OR9I1: variants seen among roughly 807,000 people sequenced by gnomAD.
OR9I1 encodes the protein olfactory receptor 9I1.
A neutral mutation model predicts 11.2 loss-of-function variants in OR9I1; 7 were observed. That is an observed-to-expected ratio of 0.62 (90% CI 0.36 to 1.17). The LOEUF (loss-of-function observed/expected upper bound fraction) is 1.17, where lower values mean the gene tolerates loss of function less well. Among genes scored for constraint, OR9I1 ranks in the 50% most tolerant of loss-of-function variants. The pLI is 0.02. For synonymous variants in OR9I1, 165 were observed against 153.4 expected (o/e 1.08, Z -0.56); for missense variants, 428 against 377.2 (o/e 1.13, Z -1.12).
rs147846129 is a variant in OR9I1 at position 58,119,152 on chromosome 11, G to T, written c.293C>A (p.Ala98Asp). 1.2e-6 allele frequency: 2 copies of T among 1,614,030 alleles called. No individual in the cohort carries two copies. Among genetic ancestry groups the T allele is most frequent in the South Asian group, 2.2e-5 (2 of 91,070 alleles). Residue 98 changes from alanine to aspartate, a missense_variant, in exon 3 of 3, where the codon GCT becomes GAT. By Grantham distance (126) the Ala-to-Asp change is moderately radical. Transcript: ENST00000641439. ...GATGGTGAATAAAAAGAACTGGGCA[G>T]CACAGTGGCCGTAGGAGATGACCGT... ...GKTVISYGHC[A>D]AQFFLFTICA...
rs1392304846 is a variant in OR9I1, at chr11:58,124,951, G to A, written c.-224-312C>T. Reference sequence around the variant, plus strand: ...TATTATTTTGTCCTGGAAGAGACTAGGACTCGGAATAGTTAAGTACCTTGT... The same window carrying A: ...TATTATTTTGTCCTGGAAGAGACTAAGACTCGGAATAGTTAAGTACCTTGT... On this transcript the variant is annotated intron_variant, in intron 1 of 2. Coordinates refer to ENST00000641439, the MANE Select transcript of OR9I1 (RefSeq NM_001005211.2). Among the ~76,000 whole-genome samples the A allele has an allele frequency of 3.3e-5, 5 of 152,054 alleles. No individual in the cohort carries two copies. In the East Asian group the frequency reaches 9.6e-4, roughly 29 times the overall value.
At chr11:58,122,283 C>G (rs550995198) in intron 2 of OR9I1, among the ~76,000 whole-genome samples, 2 of 152,292 alleles carry the variant, frequency 1.3e-5, no homozygotes, top group East Asian at 3.9e-4. Flanking sequence ...CAGGGCTATT[C>G]CATCCACCTT....
At position 58,123,851 on chromosome 11, in the gene OR9I1, A is replaced by G. The variant is rs111371760; in HGVS notation, c.-23+587T>C. On this transcript the variant is annotated intron_variant, in intron 2 of 2. Coordinates refer to ENST00000641439, the MANE Select transcript of OR9I1 (RefSeq NM_001005211.2). ...CTGTGGGCATCAAGTATAAAGATTG[A>G]TGTTGGAGTTCTTTGTGGTCCATGT... Among the ~76,000 whole-genome samples, 1,149 of 152,294 alleles carry G rather than the reference A, an allele frequency of 7.5e-3. 13 individuals are homozygous for G. Among genetic ancestry groups the G allele is most frequent in the African/African-American group, 0.026 (1,073 of 41,560 alleles).
At chr11:58,121,468 A>G (rs1419519547) in intron 2 of OR9I1, among the ~76,000 whole-genome samples, 1 of 152,108 alleles carries the variant, frequency 6.6e-6, no homozygotes, top group African/African-American at 2.4e-5. Flanking sequence ...AGGTGACATT[A>G]GTTTGTTTGT....
At position 58,117,602 on chromosome 11, in the gene OR9I1, T is replaced by A. The variant is rs1853969432; in HGVS notation, c.*898A>T. 1 of 152,272 alleles carries A rather than the reference T, an allele frequency of 6.6e-6. No homozygotes were observed. Among genetic ancestry groups the A allele is most frequent in the African/African-American group, 2.4e-5 (1 of 41,544 alleles). The allele number at this position is 152,272 out of a possible 1,614,324, so 9.4% of individuals were successfully genotyped here. On this transcript the variant is annotated 3_prime_UTR_variant, in exon 3 of 3. Transcript: ENST00000641439. ...GATTACTTCCCCTCTCACCAGATCT[T>A]CATTAGAGAAGGTAATATGGGGTTC...
rs1402959065 is a variant in OR9I1, at chr11:58,119,352, A to C, written c.93T>G (p.Phe31Leu). The C allele has an allele frequency of 6.2e-7, 1 of 1,613,978 alleles. No individual in the cohort carries two copies. Among genetic ancestry groups the C allele is most frequent in the Non-Finnish European group, 8.5e-7 (1 of 1,179,866 alleles). ...PKLEIPLFLVFLSFYLVTLLG... is the reference protein window; with the variant it reads ...PKLEIPLFLVLLSFYLVTLLG... ...GAAGGGTGACTAGGTAGAAACTCAG[A>C]AACACCAGAAAGAGGGGAATCTCCA... Residue 31 changes from phenylalanine to leucine, a missense_variant, in exon 3 of 3, where the codon TTT becomes TTG. Transcript: ENST00000641439.
Position 58,118,487 on chromosome 11 carries a change from C to A in OR9I1, c.*13G>T. 1 of 1,539,164 alleles carries A rather than the reference C, an allele frequency of 6.5e-7. No individual in the cohort carries two copies. The highest frequency in any genetic ancestry group is 2.3e-5 in the East Asian group (1 of 44,382). On this transcript the variant is annotated 3_prime_UTR_variant, in exon 3 of 3. Coordinates refer to ENST00000641439, the MANE Select transcript of OR9I1 (RefSeq NM_001005211.2). ...AGAAAGTGGACTAAAACAAGAATTC[C>A]TCTTACTTAGATCTACATGCTCAGG...
chr11:58,117,367 C>T lies in OR9I1; in HGVS notation c.*1133G>A, dbSNP rs761573382. ...ATCCCTTGTCTACTGCTGTATACTCCGAGTACTCTTTGACTCATGAGGAAG... is the reference window on the plus strand; with the variant it reads ...ATCCCTTGTCTACTGCTGTATACTCTGAGTACTCTTTGACTCATGAGGAAG... On this transcript the variant is annotated 3_prime_UTR_variant, in exon 3 of 3. Coordinates refer to ENST00000641439, the MANE Select transcript of OR9I1 (RefSeq NM_001005211.2). 3.9e-5 allele frequency: 6 copies of T among 152,056 alleles called. No homozygotes were observed. Among genetic ancestry groups the T allele is most frequent in the South Asian group, 2.1e-4 (1 of 4,820 alleles). The allele number at this position is 152,056 out of a possible 1,614,324, so 9.4% of individuals were successfully genotyped here. A position where few individuals can be genotyped will look rare whatever the true frequency, so the allele number is the denominator to read the frequency against.
At chr11:58,121,547 A>G (rs550973254) in intron 2 of OR9I1, among the ~76,000 whole-genome samples, 1 of 152,336 alleles carries the variant, frequency 6.6e-6, no homozygotes, top group East Asian at 1.9e-4. Flanking sequence ...CAGGATCCAC[A>G]ACCAAGTCTC....
Position 58,118,377 on chromosome 11 carries a change from T to C in OR9I1, c.*123A>G, listed in dbSNP as rs987481141. On this transcript the variant is annotated 3_prime_UTR_variant, in exon 3 of 3. Transcript: ENST00000641439. ...ACAATTGTAGTTTTTCCTGTGTGCCTGGTGGTACCTATCTTCTGTCTTCTC... is the reference window on the plus strand; with the variant it reads ...ACAATTGTAGTTTTTCCTGTGTGCCCGGTGGTACCTATCTTCTGTCTTCTC... 1.0e-5 allele frequency: 7 copies of C among 668,368 alleles called. No homozygotes were observed. The highest frequency in any genetic ancestry group is 8.9e-5 in the African/African-American group (5 of 56,006). 41.4% of individuals were successfully genotyped at this position (668,368 alleles called of 1,614,324 possible).
chr11:58,118,544 A>G lies in OR9I1; in HGVS notation c.901T>C (p.Phe301Leu), dbSNP rs755778244. ...SLRNKDVKDAFRKVARRLQVS... is the reference protein window; with the variant it reads ...SLRNKDVKDALRKVARRLQVS... ...TGGAGTCTCCTAGCGACCTTTCTGAAGGCGTCTTTTACATCTTTGTTTCTT... is the reference window on the plus strand; with the variant it reads ...TGGAGTCTCCTAGCGACCTTTCTGAGGGCGTCTTTTACATCTTTGTTTCTT... The change falls in exon 3 of 3, where the codon TTC (phenylalanine) becomes CTC (leucine). Residue 301 changes from phenylalanine to leucine, a missense_variant. Coordinates refer to ENST00000641439, the MANE Select transcript of OR9I1 (RefSeq NM_001005211.2). 6.2e-7 allele frequency: 1 copy of G among 1,613,002 alleles called. No homozygotes were observed. Among genetic ancestry groups the G allele is most frequent in the Non-Finnish European group, 8.5e-7 (1 of 1,179,636 alleles).
rs150960279 is a variant in OR9I1, at chr11:58,119,259, G to T, written c.186C>A (p.Phe62Leu). The T allele has an allele frequency of 5.6e-6, 9 of 1,613,896 alleles. No homozygotes were observed. Among genetic ancestry groups the T allele is most frequent in the Non-Finnish European group, 8.5e-7 (1 of 1,179,954 alleles). ...DVKLYTPMYF[F>L]LSHLSLLDAC... ...CATCCAGCAGGGAGAGGTGGCTCAG[G>T]AAGAAGTACATTGGGGTGTAGAGTT... Residue 62 changes from phenylalanine to leucine, a missense_variant, in exon 3 of 3, where the codon TTC becomes TTA. Coordinates refer to ENST00000641439, the MANE Select transcript of OR9I1 (RefSeq NM_001005211.2).
chr11:58,119,596 T>A, intron 2 of OR9I1, 130 bp from the exon 3 acceptor site: 1 of 589,722 alleles, frequency 1.7e-6, no homozygotes. Context: ...TGAAACTGGC[T>A]GATTTTCCTT....
chr11:58,118,463 G>A lies in OR9I1; in HGVS notation c.*37C>T. The A allele has an allele frequency of 7.3e-7, 1 of 1,367,428 alleles. No individual in the cohort carries two copies. The highest frequency in any genetic ancestry group is 1.0e-6 in the Non-Finnish European group (1 of 990,356). 84.7% of individuals were successfully genotyped at this position (1,367,428 alleles called of 1,614,324 possible). A position where few individuals can be genotyped will look rare whatever the true frequency, so the allele number is the denominator to read the frequency against. ...CTATTAGGATATATTCATATGGGAAGAAAGTGGACTAAAACAAGAATTCCT... is the reference window on the plus strand; with the variant it reads ...CTATTAGGATATATTCATATGGGAAAAAAGTGGACTAAAACAAGAATTCCT... On this transcript the variant is annotated 3_prime_UTR_variant, in exon 3 of 3. Coordinates refer to ENST00000641439, the MANE Select transcript of OR9I1 (RefSeq NM_001005211.2).
chr11:58,121,894 G>T (rs1854036418), intron 2 of OR9I1, among the ~76,000 whole-genome samples: 1 of 152,102 alleles, frequency 6.6e-6, no homozygotes, highest in Non-Finnish European at 1.5e-5. Context: ...AAGTTGACTT[G>T]ATTGATATTG....
At position 58,118,697 on chromosome 11, in the gene OR9I1, G is replaced by T. The variant is rs1348947553; in HGVS notation, c.748C>A (p.Leu250Ile). The change falls in exon 3 of 3, where the codon CTT (leucine) becomes ATT (isoleucine). Residue 250 changes from leucine to isoleucine, a missense_variant. Transcript: ENST00000641439. The part of the protein sequence containing the change: ...TCASHITAVA[L>I]FFGALIFMYL... The stretch of plus-strand genomic sequence containing the variant: ...ATGAAGATAAGGGCTCCAAAGAAAA[G>T]GGCCACAGCAGTGATGTGAGAGGCA... 5.0e-6 allele frequency: 8 copies of T among 1,613,914 alleles called. No homozygotes were observed. Among genetic ancestry groups the T allele is most frequent in the Non-Finnish European group, 6.8e-6 (8 of 1,179,980 alleles).
At chr11:58,125,106 A>G (rs1352815801) in intron 1 of OR9I1, among the ~76,000 whole-genome samples, 168 bp downstream of exon 1, 1 of 152,168 alleles carries the variant, frequency 6.6e-6, no homozygotes, top group Non-Finnish European at 1.5e-5. Flanking sequence ...AGTCATTTAC[A>G]GGAAAATATC....
chr11:58,120,042 T>A (rs376098892), intron 2 of OR9I1, among the ~76,000 whole-genome samples: 1 of 152,344 alleles, frequency 6.6e-6, no homozygotes, highest in South Asian at 2.1e-4. Context: ...TACTATATAA[T>A]TATTCAATGG....
At chr11:58,120,788 T>C (rs1854021980) in intron 2 of OR9I1, among the ~76,000 whole-genome samples, 1 of 138,914 alleles carries the variant, frequency 7.2e-6, no homozygotes, top group Non-Finnish European at 1.5e-5. Flanking sequence ...TATATTTGTA[T>C]CTTTATTTCA....
Sources: allele counts gnomAD v4.1 joint callset (sites outside exome capture counted in the v4.1 genomes callset), GRCh38; gene constraint gnomAD v4.1.1; transcripts MANE v1.5; gene names NCBI Gene and HGNC (gene_info 2026-07-23, HGNC 2026-07-21).